Variants in SETD2 observed in about 807,000 individuals in gnomAD.
SETD2 encodes histone-lysine N-methyltransferase SETD2.
In SETD2, 31 loss-of-function variants were observed where a neutral mutation model predicts 242.1. That is an observed-to-expected ratio of 0.13 (90% CI 0.10 to 0.17). The LOEUF (loss-of-function observed/expected upper bound fraction) is 0.17, where lower values mean the gene tolerates loss of function less well. SETD2 is among the 10% of genes least tolerant of loss of function. SETD2 has a pLI of 1.00. For synonymous variants in SETD2, 1,006 were observed against 1,066.5 expected, an observed-to-expected ratio of 0.94 and a Z score of 1.11; for missense variants, 2,481 against 3,046.3, an observed-to-expected ratio of 0.81 and a Z score of 4.37.
intron 7 of SETD2, 118 bp downstream of exon 7, chr3:47,103,228 T>A (rs994458690): frequency 1.5e-6 from 1 of 660,696 alleles, no homozygotes; most frequent in Non-Finnish European, 2.7e-6. Flanking sequence ...AATAATAAAG[T>A]AGAATAGGAA....
Position 47,083,611 on chromosome 3 carries a change from C to A in SETD2, c.6060+109G>T, listed in dbSNP as rs934701603. ...TAAAACAGTAAGAGAGACAGTATTCCATTTTTCAGAAATATGCATGGCTAA... is the reference window on the plus strand; with the variant it reads ...TAAAACAGTAAGAGAGACAGTATTCAATTTTTCAGAAATATGCATGGCTAA... On this transcript the variant is annotated intron_variant, in intron 12 of 20. Transcript: ENST00000409792. The A allele has an allele frequency of 1.7e-5, 17 of 1,018,716 alleles. 1 individual carries two copies. Among genetic ancestry groups the A allele is most frequent in the Non-Finnish European group, 2.3e-5 (16 of 691,964 alleles). The allele number at this position is 1,018,716 out of a possible 1,614,324, so 63.1% of individuals were successfully genotyped here.
chr3:47,053,131 G>C (rs888039953), intron 15 of SETD2, among the ~76,000 whole-genome samples: 14 of 151,922 alleles, frequency 9.2e-5, no homozygotes, highest in African/African-American at 2.9e-4. Flanking sequence ...CAGGTGATCT[G>C]CCCACCTTGG....
intron 1 of SETD2, among the ~76,000 whole-genome samples, chr3:47,155,247 T>C (rs1186243532): frequency 3.9e-5 from 6 of 152,282 alleles, no homozygotes; most frequent in Non-Finnish European, 4.4e-5. Context: ...AATGTTAAAA[T>C]GTCTGAATTT....
intron 10 of SETD2, 57 bp from the exon 11 acceptor site, chr3:47,086,371 T>C: frequency 1.9e-6 from 3 of 1,577,038 alleles, no homozygotes; most frequent in South Asian, 1.1e-5. Flanking sequence ...ATCAGAATAT[T>C]ACAAAGAGCC....
At chr3:47,160,446 G>A (rs1313324901) in intron 1 of SETD2, among the ~76,000 whole-genome samples, 6 of 150,456 alleles carry the variant, frequency 4.0e-5, no homozygotes, top group Non-Finnish European at 7.4e-5. Context: ...GATTACAGGC[G>A]CCTGCCACCA....
chr3:47,055,662 C>T (rs2040022617), intron 15 of SETD2, among the ~76,000 whole-genome samples: 1 of 150,796 alleles, frequency 6.6e-6, no homozygotes, highest in African/African-American at 2.4e-5. Flanking sequence ...CACTGTACTC[C>T]AGCCCGGGTG....
At chr3:47,114,454 C>T (rs2107721908) in intron 4 of SETD2, among the ~76,000 whole-genome samples, 1 of 152,284 alleles carries the variant, frequency 6.6e-6, no homozygotes, top group Non-Finnish European at 1.5e-5. Flanking sequence ...TAAATATATC[C>T]TTGTTCAGAG....
At chr3:47,093,388 A>G (rs905381651) in intron 9 of SETD2, among the ~76,000 whole-genome samples, 1 of 150,980 alleles carries the variant, frequency 6.6e-6, no homozygotes, top group Non-Finnish European at 1.5e-5. Context: ...GGTTCAAGCA[A>G]TTCTCTTGCC....
Position 47,032,095 on chromosome 3 carries a change from G to T in SETD2, c.7350+5571C>A, listed in dbSNP as rs779953414. On this transcript the variant is annotated intron_variant, in intron 18 of 20. Transcript: ENST00000409792. ...TGTGAATGTACCAAATGTGACAGAG[G>T]CATGTAATGTTTTCATATTATTATT... Among the ~76,000 whole-genome samples the T allele has an allele frequency of 2.6e-5, 4 of 152,144 alleles. 1 individual carries two copies. The highest frequency in any genetic ancestry group is 9.6e-5 in the African/African-American group (4 of 41,494).
intron 15 of SETD2, among the ~76,000 whole-genome samples, chr3:47,049,808 TTA>T (rs1232316292): frequency 1.4e-5 from 2 of 145,278 alleles, no homozygotes; most frequent in Non-Finnish European, 3.0e-5. Flanking sequence ...TGAGTTTATA[TTA>T]TATATATTAT....
intron 14 of SETD2, among the ~76,000 whole-genome samples, chr3:47,060,950 G>A (rs1489749198): frequency 6.6e-6 from 1 of 152,194 alleles, no homozygotes; most frequent in Non-Finnish European, 1.5e-5. Context: ...ACAGCCAGGC[G>A]CAGTGGCTCA....
At position 47,122,775 on chromosome 3, in the gene SETD2, A is replaced by C. The variant is rs2106687093; in HGVS notation, c.1861T>G (p.Leu621Val). 2 of 1,610,972 alleles carry C rather than the reference A, an allele frequency of 1.2e-6. No individual in the cohort carries two copies. Among genetic ancestry groups the C allele is most frequent in the Middle Eastern group, 1.7e-4 (1 of 6,040 alleles). The change falls in exon 3 of 21, where the codon TTA becomes GTA. Residue 621 changes from leucine to valine, a missense_variant. Coordinates refer to ENST00000409792, the MANE Select transcript of SETD2 (RefSeq NM_014159.7). The stretch of plus-strand genomic sequence containing the variant: ...TTTTTTAAAGTAGGTGAATCATTTA[A>C]TCGATTTGATGGAGCTGGAGACCCA... ...KAGSPAPSNR[L>V]NDSPTLKKLD...
intron 6 of SETD2, among the ~76,000 whole-genome samples, chr3:47,105,092 T>C (rs2042357491): frequency 6.6e-6 from 1 of 152,112 alleles, no homozygotes; most frequent in South Asian, 2.1e-4. Flanking sequence ...TAAGTAATTA[T>C]AACCCACATA....
At chr3:47,144,409 C>G (rs2043805628) in intron 1 of SETD2, among the ~76,000 whole-genome samples, 1 of 152,074 alleles carries the variant, frequency 6.6e-6, no homozygotes, top group African/African-American at 2.4e-5. Flanking sequence ...GAGACCGAGG[C>G]AGGCGAATCA....
At chr3:47,105,013 C>T (rs2042354779) in intron 6 of SETD2, among the ~76,000 whole-genome samples, 1 of 152,158 alleles carries the variant, frequency 6.6e-6, no homozygotes, top group African/African-American at 2.4e-5. Flanking sequence ...GATTCTCCCA[C>T]TTGGCCCTAA....
Position 47,113,901 on chromosome 3 carries a change from A to C in SETD2, c.4690T>G (p.Leu1564Val), listed in dbSNP as rs79012760. 3.7e-6 allele frequency: 6 copies of C among 1,613,010 alleles called. No individual in the cohort carries two copies. The highest frequency in any genetic ancestry group is 5.1e-6 in the Non-Finnish European group (6 of 1,179,636). Residue 1564 changes from leucine to valine, a missense_variant, in exon 5 of 21, where the codon TTG becomes GTG. Coordinates refer to ENST00000409792, the MANE Select transcript of SETD2 (RefSeq NM_014159.7). ...GAAGGAAGGTCTTTGGCAGCTCTCA[A>C]GCCCCAGCCTTTCTTTTCTGTGAGT... ...VILTEKKGWGLRAAKDLPSNT... is the reference protein window; with the variant it reads ...VILTEKKGWGVRAAKDLPSNT...
At chr3:47,071,097 A>G (rs1447647489) in intron 12 of SETD2, among the ~76,000 whole-genome samples, 2 of 152,162 alleles carry the variant, frequency 1.3e-5, no homozygotes, top group Non-Finnish European at 2.9e-5. Flanking sequence ...CAGCTTCCCA[A>G]GTAGCTGGCC....
At chr3:47,102,843 A>G (rs571748910) in intron 7 of SETD2, among the ~76,000 whole-genome samples, 58 of 152,078 alleles carry the variant, frequency 3.8e-4, no homozygotes, top group Non-Finnish European at 7.2e-4. Flanking sequence ...AGTGTTATTA[A>G]AAGTCAAATG....
At position 47,122,004 on chromosome 3, in the gene SETD2, C is replaced by G. The variant is rs587778671; in HGVS notation, c.2632G>C (p.Gly878Arg). ...AGACTCTGAAGAGATGAAGCAATAC[C>G]TGAACTCCCAATAGGTTGATATAAA... ...DDLYQPIGSS[G>R]IASSLQSLPP... Residue 878 changes from glycine (G) to arginine (R), a missense_variant, in exon 3 of 21, where the codon GGT becomes CGT. Physicochemically the swap from Gly to Arg is moderately radical, Grantham distance 125. Around this residue, in one of 17 missense-constraint regions of SETD2, gnomAD observed 1,300 missense variants for 1,259.2 expected, o/e 1.03. Coordinates refer to ENST00000409792, the MANE Select transcript of SETD2 (RefSeq NM_014159.7). The G allele has an allele frequency of 1.2e-6, 2 of 1,613,808 alleles. No homozygotes were observed. The highest frequency in any genetic ancestry group is 1.3e-5 in the African/African-American group (1 of 74,926).
Sources: allele counts gnomAD v4.1 joint callset (sites outside exome capture counted in the v4.1 genomes callset), GRCh38; gene constraint gnomAD v4.1.1; regional missense constraint gnomAD v4.1.1; transcripts MANE v1.5; gene names NCBI Gene and HGNC (gene_info 2026-07-23, HGNC 2026-07-21).